CPOX: variants seen among roughly 807,000 people sequenced by gnomAD.
CPOX encodes the protein oxygen-dependent coproporphyrinogen-III oxidase, mitochondrial.
Under a neutral mutation model 48.9 loss-of-function variants are expected in CPOX, and 24 were observed. That is an observed-to-expected ratio of 0.49 (90% confidence interval 0.36 to 0.69). The LOEUF is 0.69. CPOX is among the 30% of genes least tolerant of loss of function. The probability of loss-of-function intolerance (pLI) is 0.00; values close to 1 mark genes in which losing one functional copy is unlikely to be tolerated. For synonymous variants in CPOX, 249 were observed against 234.6 expected, an observed-to-expected ratio of 1.06 and a Z score of -0.56; for missense variants, 549 against 597.3, an observed-to-expected ratio of 0.92 and a Z score of 0.84.
chr3:98,591,425 C>T (rs928485694), intron 1 of CPOX, among the ~76,000 whole-genome samples: 7 of 152,174 alleles, frequency 4.6e-5, no homozygotes, highest in Admixed American at 1.3e-4. Flanking sequence ...GGAATATTCT[C>T]CCTTCAGATT....
chr3:98,582,671 T>C (rs1182877760), intron 5 of CPOX, among the ~76,000 whole-genome samples: 1 of 152,128 alleles, frequency 6.6e-6, no homozygotes, highest in Non-Finnish European at 1.5e-5. Context: ...TTTTGTATTT[T>C]TAGTAGAGAC....
intron 3 of CPOX, among the ~76,000 whole-genome samples, chr3:98,590,075 T>C (rs547109491): frequency 2.6e-5 from 4 of 152,394 alleles, no homozygotes; most frequent in South Asian, 2.1e-4. Flanking sequence ...CACACTAAAG[T>C]TCAGGTTCAT....
At chr3:98,585,181 A>G (rs1388468958) in intron 5 of CPOX, among the ~76,000 whole-genome samples, 2 of 152,234 alleles carry the variant, frequency 1.3e-5, no homozygotes, top group African/African-American at 4.8e-5. Flanking sequence ...AAGAAGACTA[A>G]GAGAAATCAG....
chr3:98,580,287 T>A lies in CPOX; in HGVS notation c.*396A>T. ...CTCAACTTCACTGAATTAATGAAAA[T>A]AAAATATATTCCACGACAGATTTTT... On this transcript the variant is annotated 3_prime_UTR_variant, in exon 7 of 7. Coordinates refer to ENST00000647941, the MANE Select transcript of CPOX (RefSeq NM_000097.7). 1 of 1,004,842 alleles carries A rather than the reference T, an allele frequency of 1.0e-6. No individual in the cohort carries two copies. The highest frequency in any genetic ancestry group is 1.2e-6 in the Non-Finnish European group (1 of 841,332). 62.2% of individuals were successfully genotyped at this position (1,004,842 alleles called of 1,614,324 possible). A position where few individuals can be genotyped will look rare whatever the true frequency, so the allele number is the denominator to read the frequency against.
chr3:98,579,895 CCA>C lies in CPOX; in HGVS notation c.*786_*787del. 5 of 985,544 alleles carry C rather than the reference CCA, an allele frequency of 5.1e-6. No individual in the cohort carries two copies. In the South Asian group the frequency reaches 2.4e-4, roughly 46 times the overall value. 61.0% of individuals were successfully genotyped at this position (985,544 alleles called of 1,614,324 possible). ...CTAGGATTATTCTTAGTCTCAACTT[CCA>C]CACAGAGATGTCTGAAATAGAAAAC... On this transcript the variant is annotated 3_prime_UTR_variant, in exon 7 of 7. Transcript: ENST00000647941.
chr3:98,577,782 G>A (rs1462547504), downstream of CPOX, among the ~76,000 whole-genome samples: 1 of 152,198 alleles, frequency 6.6e-6, no homozygotes, highest in African/African-American at 2.4e-5. Flanking sequence ...AGTCCAAGAT[G>A]AGCTGAGCCT....
At chr3:98,574,132 T>C in the CPOX span, among the ~76,000 whole-genome samples, 1 of 152,256 alleles carries the variant, frequency 6.6e-6, no homozygotes, top group East Asian at 1.9e-4. Context: ...CTGGTACAGG[T>C]AGCTTGCAAG....
the CPOX span, among the ~76,000 whole-genome samples, chr3:98,573,575 C>CA: frequency 6.2e-4 from 93 of 151,108 alleles, no homozygotes; most frequent in East Asian, 0.011. Flanking sequence ...CACTCCCTGC[C>CA]AAAAAAAAAC....
downstream of CPOX, among the ~76,000 whole-genome samples, chr3:98,574,986 T>G (rs1163182001): frequency 1.3e-5 from 2 of 152,320 alleles, no homozygotes; most frequent in East Asian, 3.9e-4. Flanking sequence ...TATATTATAC[T>G]AATGGTTAGA....
In CPOX at chr3:98,588,588, T is replaced by C. The variant is rs1576302787; in HGVS notation, c.953+125A>G. The C allele has an allele frequency of 9.4e-6, 9 of 954,152 alleles. No individual in the cohort carries two copies. In the East Asian group the frequency reaches 1.9e-4, roughly 20 times the overall value. The allele number at this position is 954,152 out of a possible 1,614,324, so 59.1% of individuals were successfully genotyped here. ...AAAACCAGTATTCTAATTCTTCTGA[T>C]GAGCAAAGTAAGAAAACTAGTTCCA... On this transcript the variant is annotated intron_variant, in intron 4 of 6. Transcript: ENST00000647941.
Position 98,593,458 on chromosome 3 carries a change from A to G in CPOX, c.47T>C (p.Val16Ala). 1.3e-6 allele frequency: 2 copies of G among 1,493,892 alleles called. No homozygotes were observed. The highest frequency in any genetic ancestry group is 8.9e-7 in the Non-Finnish European group (1 of 1,128,406). 92.5% of individuals were successfully genotyped at this position (1,493,892 alleles called of 1,614,324 possible). Residue 16 changes from valine to alanine, a missense_variant, in exon 1 of 7, where the codon GTG becomes GCG. Physicochemically the swap from Val to Ala is moderately conservative, Grantham distance 64 (BLOSUM62 0). Around this residue, in one of 2 missense-constraint regions of CPOX, gnomAD observed 336 missense variants for 318.1 expected, o/e 1.06. Transcript: ENST00000647941. ...GGGCCCTCCGCAGCCGCCCCGCGCC[A>G]CGAGCCAGCAGGGGCCCGAGCTCAG... ...GRLSSGPCWL[V>A]ARGGCGGPRA... is the part of the protein sequence containing the mutation.
At chr3:98,576,733 G>A (rs1169383711), downstream of CPOX, among the ~76,000 whole-genome samples, 1 of 152,080 alleles carries the variant, frequency 6.6e-6, no homozygotes, top group Non-Finnish European at 1.5e-5. Flanking sequence ...ATACATCCTT[G>A]AAAACAATTT....
rs1290956163 is a variant in CPOX at position 98,585,240 on chromosome 3, A to C, written c.1172+201T>G. 2.0e-5 allele frequency among the ~76,000 whole-genome samples: 3 copies of C among 152,242 alleles called. No individual in the cohort carries two copies. In the East Asian group the frequency reaches 5.8e-4, roughly 29 times the overall value. On this transcript the variant is annotated intron_variant, in intron 5 of 6. Transcript: ENST00000647941. Reference sequence around the variant, plus strand: ...TACTACATGCCTACTATGAGTCTCTAATGTATAGATGAATTAAATAAACTT... The same window carrying C: ...TACTACATGCCTACTATGAGTCTCTCATGTATAGATGAATTAAATAAACTT...
intron 1 of CPOX, 93 bp downstream of exon 1, chr3:98,592,856 C>T: frequency 7.3e-7 from 1 of 1,376,874 alleles, no homozygotes. Flanking sequence ...CCTACCCCAT[C>T]CCATATTGTG....
At chr3:98,578,887 T>C (rs1336839466), downstream of CPOX, among the ~76,000 whole-genome samples, 3 of 152,246 alleles carry the variant, frequency 2.0e-5, no homozygotes, top group African/African-American at 7.2e-5. Flanking sequence ...AAAGCTGCTA[T>C]GAAAATTGAG....
downstream of CPOX, among the ~76,000 whole-genome samples, chr3:98,575,603 C>T (rs1707150348): frequency 6.6e-6 from 1 of 150,762 alleles, no homozygotes; most frequent in Non-Finnish European, 1.5e-5. Flanking sequence ...ACCAGCCTGG[C>T]CAACATAGTG....
intron 4 of CPOX, 40 bp downstream of exon 4, chr3:98,588,673 T>A: frequency 6.2e-7 from 1 of 1,610,912 alleles, no homozygotes; most frequent in Non-Finnish European, 8.5e-7. Flanking sequence ...AGGAACAGAA[T>A]GTAATTTTGG....
the CPOX span, among the ~76,000 whole-genome samples, chr3:98,571,751 T>A: frequency 6.6e-6 from 1 of 151,536 alleles, no homozygotes; most frequent in African/African-American, 2.4e-5. Flanking sequence ...TAGGGTGTAG[T>A]AGGTATTGTT....
At position 98,592,822 on chromosome 3, in the gene CPOX, C is replaced by T. The variant is rs1191426313; in HGVS notation, c.556+127G>A. ...TTTTTATCAGCGGCCTCTAACCAAG[C>T]GGCCTCTCTGTGGGTACCCCCTACC... On this transcript the variant is annotated intron_variant, in intron 1 of 6. Coordinates refer to ENST00000647941, the MANE Select transcript of CPOX (RefSeq NM_000097.7). 12 of 995,844 alleles carry T rather than the reference C, an allele frequency of 1.2e-5. No individual in the cohort carries two copies. In the East Asian group the frequency reaches 1.8e-4, roughly 15 times the overall value. The allele number at this position is 995,844 out of a possible 1,614,324, so 61.7% of individuals were successfully genotyped here.
Sources: allele counts gnomAD v4.1 joint callset (sites outside exome capture counted in the v4.1 genomes callset), GRCh38; gene constraint gnomAD v4.1.1; regional missense constraint gnomAD v4.1.1; transcripts MANE v1.5; gene names NCBI Gene and HGNC (gene_info 2026-07-23, HGNC 2026-07-21).